NEB: variants seen among roughly 807,000 people sequenced by gnomAD.
NEB encodes nemaline myopathy type 2.
A neutral mutation model predicts 952.2 loss-of-function variants in NEB; 512 were observed. The ratio of observed to expected loss-of-function variants is 0.54; its 90% CI spans 0.50 to 0.58. The LOEUF (loss-of-function observed/expected upper bound fraction) is 0.58. Ranked by LOEUF, NEB falls within the 20% of genes least tolerant of loss-of-function variation. The probability of loss-of-function intolerance (pLI) is 0.00; values close to 1 mark genes in which losing one functional copy is unlikely to be tolerated. For synonymous variants in NEB, 2,900 were observed against 3,149.8 expected, an observed-to-expected ratio of 0.92 and a Z score of 2.66; for missense variants, 8,428 against 9,231.1, an observed-to-expected ratio of 0.91 and a Z score of 3.56.
intron 70 of NEB, among the ~76,000 whole-genome samples, chr2:151,626,543 T>C (rs973724015): frequency 7.0e-6 from 1 of 143,696 alleles, no homozygotes; most frequent in African/African-American, 2.6e-5. Flanking sequence ...TGTCCCATTC[T>C]TTTTTTTTTT....
chr2:151,719,656 G>A (rs990861908), intron 9 of NEB, among the ~76,000 whole-genome samples: 3 of 152,234 alleles, frequency 2.0e-5, no homozygotes, highest in East Asian at 1.9e-4. Context: ...AGGCAAAGGC[G>A]GATGAATTGC....
intron 13 of NEB, among the ~76,000 whole-genome samples, chr2:151,702,695 C>T (rs537199662): frequency 6.6e-6 from 1 of 151,766 alleles, no homozygotes; most frequent in South Asian, 2.1e-4. Flanking sequence ...CAACCCCTGC[C>T]TTTTTTTTGT....
chr2:151,572,510 T>TATATATATATAAA (rs2096668590), intron 107 of NEB, among the ~76,000 whole-genome samples: 1 of 145,532 alleles, frequency 6.9e-6, no homozygotes, highest in Non-Finnish European at 1.5e-5. Context: ...TGAATATTTA[T>TATATATATATAAA]ATATATATAT....
chr2:151,645,238 A>C (rs767704134), intron 55 of NEB, among the ~76,000 whole-genome samples: 1 of 152,170 alleles, frequency 6.6e-6, no homozygotes, highest in Non-Finnish European at 1.5e-5. Context: ...TTTCATTAGA[A>C]GTTTTTGTTA....
chr2:151,511,094 G>A (rs1273260074), intron 161 of NEB, among the ~76,000 whole-genome samples: 2 of 152,200 alleles, frequency 1.3e-5, no homozygotes, highest in Admixed American at 1.3e-4. Context: ...TCCCACACTG[G>A]GATAGGTCCA....
intron 135 of NEB, among the ~76,000 whole-genome samples, chr2:151,543,488 T>C (rs879377060): frequency 1.4e-4 from 21 of 152,194 alleles, no homozygotes; most frequent in Admixed American, 7.9e-4. Flanking sequence ...CTCTTAGAAT[T>C]TTATGGCTAA....
At position 151,656,753 on chromosome 2, in the gene NEB, C is replaced by G. The variant is rs908972944; in HGVS notation, c.6184-289G>C. On this transcript the variant is annotated intron_variant, in intron 48 of 181. Transcript: ENST00000397345. ...TGCTGAGGCCACTGAGGATTAGAAC[C>G]CAGATTTTGTGATGATGCATCACAC... Among the ~76,000 whole-genome samples the G allele has an allele frequency of 2.0e-5, 3 of 151,714 alleles. No homozygotes were observed. In the East Asian group the frequency reaches 5.8e-4, roughly 29 times the overall value.
chr2:151,542,370 C>G (rs2094179192), intron 135 of NEB, among the ~76,000 whole-genome samples: 1 of 152,142 alleles, frequency 6.6e-6, no homozygotes, highest in Non-Finnish European at 1.5e-5. Context: ...TCCAAATCTA[C>G]ATATCCAGTG....
intron 72 of NEB, 118 bp from the exon 73 acceptor site, chr2:151,619,880 G>C (rs1221457580): frequency 1.9e-6 from 2 of 1,074,132 alleles, no homozygotes; most frequent in East Asian, 2.5e-5. Context: ...CACTGGTCAT[G>C]CTGCTGTAAC....
intron 129 of NEB, 86 bp downstream of exon 129, chr2:151,551,652 G>A: frequency 2.0e-6 from 2 of 999,192 alleles, no homozygotes; most frequent in Non-Finnish European, 3.1e-6. Context: ...TACAAGGTCA[G>A]GTCAAGAGGA....
In NEB at chr2:151,687,825, G is replaced by A. The variant is rs997996484; in HGVS notation, c.2416-92C>T. 2.7e-6 allele frequency: 3 copies of A among 1,126,238 alleles called. No individual in the cohort carries two copies. In the African/African-American group the frequency reaches 4.7e-5, roughly 18 times the overall value. 69.8% of individuals were successfully genotyped at this position (1,126,238 alleles called of 1,614,324 possible). ...CATATTGAAAATTTGTGTATGTATAGACTTATTTCTCCTATAAAAACTATA... is the reference window on the plus strand; with the variant it reads ...CATATTGAAAATTTGTGTATGTATAAACTTATTTCTCCTATAAAAACTATA... On this transcript the variant is annotated intron_variant, in intron 25 of 181. Transcript: ENST00000397345.
At position 151,524,654 on chromosome 2, in the gene NEB, C is replaced by CTT. The variant is rs5835371; in HGVS notation, c.22273-40_22273-39dup. 9.0e-3 allele frequency: 2,311 copies of CTT among 256,962 alleles called. 53 individuals carry two copies. The highest frequency in any genetic ancestry group is 0.019 in the South Asian group (638 of 33,536). The allele number at this position is 256,962 out of a possible 1,614,324, so 15.9% of individuals were successfully genotyped here. ...AGAAAATGTTTACTCAAGAGAGAGG[C>CTT]TTTTTTTTTTTTTTTTTTTTTTTTT... On this transcript the variant is annotated intron_variant, in intron 151 of 181. Transcript: ENST00000397345.
chr2:151,561,240 T>C lies in NEB; in HGVS notation c.19069A>G (p.Thr6357Ala). 1 of 1,609,028 alleles carries C rather than the reference T, an allele frequency of 6.2e-7. No individual in the cohort carries two copies. The highest frequency in any genetic ancestry group is 8.5e-7 in the Non-Finnish European group (1 of 1,177,380). ...GCATTAATGCCACTCTGAACAGCAG[T>C]CACATAGAGGGGCGTGTCTGTGACC... ...NLVTDTPLYV[T>A]AVQSGINASE... Residue 6357 changes from threonine (T) to alanine (A), a missense_variant, in exon 122 of 182, where the codon ACT (threonine) becomes GCT (alanine). Around this residue, in one of 11 missense-constraint regions of NEB, gnomAD observed 3,374 missense variants for 3,651.5 expected, o/e 0.92. Transcript: ENST00000397345.
intron 173 of NEB, among the ~76,000 whole-genome samples, chr2:151,494,823 A>AT (rs1361337534): frequency 6.6e-6 from 1 of 151,582 alleles, no homozygotes; most frequent in Admixed American, 6.6e-5. Flanking sequence ...TAATTTTTGT[A>AT]TTTTTTAGTA....
rs1182429085 is a variant in NEB at position 151,553,858 on chromosome 2, G to A, written c.19596C>T (p.His6532=). Residue 6532 remains histidine, a synonymous_variant, in exon 126 of 182, where the codon CAC becomes CAT. Coordinates refer to ENST00000397345, the MANE Select transcript of NEB (RefSeq NM_001164508.2). ...TGATCTGATCTGTGACTTTCCTGAC[G>A]TGATCATTGACTTGCAAGTCGGGGT... ...ICHPDLQVND[H]VRKVTDQISD... 10 of 1,613,314 alleles carry A rather than the reference G, an allele frequency of 6.2e-6. No homozygotes were observed. Among genetic ancestry groups the A allele is most frequent in the South Asian group, 3.3e-5 (3 of 91,018 alleles).
chr2:151,490,607 A>G, intron 179 of NEB, 89 bp from the exon 180 acceptor site: 1 of 1,465,732 alleles, frequency 6.8e-7, no homozygotes, highest in Non-Finnish European at 9.3e-7. Context: ...AGTTATTGTT[A>G]TCTTTGCCAA....
chr2:151,511,119 C>A lies in NEB; in HGVS notation c.23346+1614G>T, dbSNP rs150630968. ...GGATAGGTCCACATGCTGAAGCTTT[C>A]GTTAAAGATCAGCAGTGTCAAAAGC... is the stretch of plus-strand genomic sequence containing the variant. On this transcript the variant is annotated intron_variant, in intron 161 of 181. Coordinates refer to ENST00000397345, the MANE Select transcript of NEB (RefSeq NM_001164508.2). Among the ~76,000 whole-genome samples the A allele has an allele frequency of 1.7e-3, 257 of 152,314 alleles. 2 individuals are homozygous for A. In the South Asian group the frequency reaches 0.031, roughly 18 times the overall value.
Position 151,631,313 on chromosome 2 carries a change from C to A in NEB, c.9448G>T (p.Gly3150Cys), listed in dbSNP as rs745445273. 2.5e-6 allele frequency: 4 copies of A among 1,613,786 alleles called. No homozygotes were observed. Among genetic ancestry groups the A allele is most frequent in the Non-Finnish European group, 3.4e-6 (4 of 1,179,800 alleles). ...GACCCAATGGGGACCCAGCCAATGCCTCTCAGCCACTGGAGATCTGACTTG... is the reference window on the plus strand; with the variant it reads ...GACCCAATGGGGACCCAGCCAATGCATCTCAGCCACTGGAGATCTGACTTG... ...IYKSDLQWLR[G>C]IGWVPIGSMD... is the part of the protein sequence containing the mutation. The change falls in exon 66 of 182, where the codon GGC (glycine) becomes TGC (cysteine). Residue 3150 changes from glycine to cysteine, a missense_variant. Physicochemically the swap from Gly to Cys is radical, Grantham distance 159 (BLOSUM62 -3). Around this residue, in one of 11 missense-constraint regions of NEB, gnomAD observed 1,772 missense variants for 1,960.3 expected, o/e 0.90. Transcript: ENST00000397345.
chr2:151,510,740 A>G (rs1247358652), intron 161 of NEB, among the ~76,000 whole-genome samples: 1 of 152,224 alleles, frequency 6.6e-6, no homozygotes, highest in Non-Finnish European at 1.5e-5. Context: ...AAAAACCAGT[A>G]TATATAGGGT....
Sources: allele counts gnomAD v4.1 joint callset (sites outside exome capture counted in the v4.1 genomes callset), GRCh38; gene constraint gnomAD v4.1.1; regional missense constraint gnomAD v4.1.1; transcripts MANE v1.5; gene names NCBI Gene and HGNC (gene_info 2026-07-23, HGNC 2026-07-21).